ZKSCAN5: variants seen among roughly 807,000 people sequenced by gnomAD.
ZKSCAN5 encodes zinc finger with KRAB and SCAN domains 5.
In ZKSCAN5, 28 loss-of-function variants were observed where a neutral mutation model predicts 60.0. That is an observed-to-expected ratio of 0.47 (90% CI 0.35 to 0.64). The LOEUF (loss-of-function observed/expected upper bound fraction) is 0.64. ZKSCAN5 is among the 30% of genes least tolerant of loss of function. The pLI, the probability that ZKSCAN5 is intolerant of heterozygous loss-of-function variation, is 0.01. For missense variants in ZKSCAN5, 881 were observed against 1,034.6 expected, an observed-to-expected ratio of 0.85 and a Z score of 2.04; for synonymous variants, 361 against 371.2, an observed-to-expected ratio of 0.97 and a Z score of 0.31.
chr7:99,511,123 T>C (rs1801003092), intron 2 of ZKSCAN5, among the ~76,000 whole-genome samples: 1 of 152,168 alleles, frequency 6.6e-6, no homozygotes, highest in Admixed American at 6.6e-5. Context: ...CTTTGAAATG[T>C]AAGGGAGGGA....
intron 2 of ZKSCAN5, among the ~76,000 whole-genome samples, chr7:99,507,531 G>GTATATATATATATGTATATATATGTA (rs72423231): frequency 7.0e-6 from 1 of 141,864 alleles, no homozygotes; most frequent in African/African-American, 2.7e-5. Flanking sequence ...ATGTATATGT[G>GTATATATATATATGTATATATATGTA]TATATATATA....
intron 1 of ZKSCAN5, 56 bp downstream of exon 1, chr7:99,504,789 C>T (rs560019633): frequency 2.6e-5 from 4 of 152,462 alleles, no homozygotes; most frequent in Admixed American, 2.0e-4. Flanking sequence ...GTGAAGAAAA[C>T]CTAAGGGCCC....
intron 5 of ZKSCAN5, among the ~76,000 whole-genome samples, chr7:99,523,466 C>G (rs1276957789): frequency 6.6e-6 from 1 of 152,064 alleles, no homozygotes; most frequent in Admixed American, 6.6e-5. Flanking sequence ...ACAAAATATA[C>G]AAAAATTAGC....
chr7:99,528,635 C>T (rs1801911961), intron 6 of ZKSCAN5, among the ~76,000 whole-genome samples: 2 of 152,158 alleles, frequency 1.3e-5, no homozygotes, highest in African/African-American at 4.8e-5. Flanking sequence ...CTCTGTTGCC[C>T]AGGCTGGTCT....
intron 2 of ZKSCAN5, among the ~76,000 whole-genome samples, chr7:99,507,437 GTT>G (rs1172747979): frequency 6.6e-6 from 1 of 150,574 alleles, no homozygotes; most frequent in East Asian, 1.9e-4. Flanking sequence ...TAATGTATGT[GTT>G]TGCGTATATA....
intron 5 of ZKSCAN5, among the ~76,000 whole-genome samples, chr7:99,521,565 C>T (rs1801541638): frequency 6.6e-6 from 1 of 152,188 alleles, no homozygotes; most frequent in Non-Finnish European, 1.5e-5. Context: ...AGTTCACTCA[C>T]AAGCTTTTAT....
Position 99,519,914 on chromosome 7 carries a change from G to A in ZKSCAN5, c.636+5G>A. ...CTTCTCTCAACTGGGTCCCAGGTGAGCTGGTGCCCCTTTGCCCTCAGAGAG... is the reference window on the plus strand; with the variant it reads ...CTTCTCTCAACTGGGTCCCAGGTGAACTGGTGCCCCTTTGCCCTCAGAGAG... On this transcript the variant is annotated splice_donor_5th_base_variant and intron_variant, in intron 4 of 6. Coordinates refer to ENST00000326775, the MANE Select transcript of ZKSCAN5 (RefSeq NM_145102.4). 1 of 1,614,010 alleles carries A rather than the reference G, an allele frequency of 6.2e-7. No individual in the cohort carries two copies. Among genetic ancestry groups the A allele is most frequent in the Non-Finnish European group, 8.5e-7 (1 of 1,179,962 alleles).
intron 5 of ZKSCAN5, among the ~76,000 whole-genome samples, chr7:99,523,807 A>C (rs1801652210): frequency 6.6e-6 from 1 of 152,178 alleles, no homozygotes; most frequent in African/African-American, 2.4e-5. Flanking sequence ...GAAGGTAAGT[A>C]AAAGTAGCTA....
chr7:99,517,266 G>A (rs954149137), intron 3 of ZKSCAN5, among the ~76,000 whole-genome samples: 1 of 152,076 alleles, frequency 6.6e-6, no homozygotes, highest in South Asian at 2.1e-4. Flanking sequence ...GTTTCTCCAC[G>A]TTGGTCAGGC....
intron 5 of ZKSCAN5, among the ~76,000 whole-genome samples, chr7:99,522,106 A>G (rs879437751): frequency 2.6e-5 from 4 of 152,204 alleles, no homozygotes; most frequent in Admixed American, 2.0e-4. Flanking sequence ...ACTTCAATAC[A>G]CTATTCTACA....
intron 6 of ZKSCAN5, among the ~76,000 whole-genome samples, chr7:99,530,739 A>G (rs1161544913): frequency 1.3e-5 from 2 of 152,116 alleles, no homozygotes; most frequent in Non-Finnish European, 2.9e-5. Context: ...AACATTTTTT[A>G]TGACAGTTTA....
At position 99,532,287 on chromosome 7, in the gene ZKSCAN5, A is replaced by G. The variant is rs575180109; in HGVS notation, c.*38A>G. 1.3e-6 allele frequency: 2 copies of G among 1,518,926 alleles called. No homozygotes were observed. Among genetic ancestry groups the G allele is most frequent in the South Asian group, 2.7e-5 (2 of 74,378 alleles). 94.1% of individuals were successfully genotyped at this position (1,518,926 alleles called of 1,614,324 possible). ...TTTTAGAGAAACCTTCCTGGAGGGAAACCATACTCCTATAATGAGCAAAGT... is the reference window on the plus strand; with the variant it reads ...TTTTAGAGAAACCTTCCTGGAGGGAGACCATACTCCTATAATGAGCAAAGT... On this transcript the variant is annotated 3_prime_UTR_variant, in exon 7 of 7. Transcript: ENST00000326775.
chr7:99,530,576 C>T (rs1014556063), intron 6 of ZKSCAN5, among the ~76,000 whole-genome samples: 7 of 151,888 alleles, frequency 4.6e-5, no homozygotes, highest in Non-Finnish European at 8.8e-5. Flanking sequence ...TTGTCTGATG[C>T]ATAGTTTGCA....
Position 99,532,251 on chromosome 7 carries a change from A to G in ZKSCAN5, c.*2A>G. 6.5e-7 allele frequency: 1 copy of G among 1,546,330 alleles called. No homozygotes were observed. The highest frequency in any genetic ancestry group is 1.4e-5 in the African/African-American group (1 of 72,252). On this transcript the variant is annotated 3_prime_UTR_variant, in exon 7 of 7. Transcript: ENST00000326775. The stretch of plus-strand genomic sequence containing the variant: ...AGTGTAGAGGGGTCTCTGTTGTAGA[A>G]TAGCTCTTAATTTTAGAGAAACCTT...
intron 5 of ZKSCAN5, among the ~76,000 whole-genome samples, chr7:99,520,559 C>G (rs538065326): frequency 6.6e-6 from 1 of 152,088 alleles, no homozygotes; most frequent in Admixed American, 6.6e-5. Context: ...CCAGCAGATG[C>G]TAACTTTTTA....
intron 6 of ZKSCAN5, 99 bp downstream of exon 6, chr7:99,526,517 G>T (rs531120326): frequency 4.7e-6 from 7 of 1,496,426 alleles, no homozygotes; most frequent in East Asian, 2.3e-5. Context: ...GGTGATACTG[G>T]GGGGGGTAGG....
At chr7:99,514,622 A>G (rs559505376) in intron 3 of ZKSCAN5, among the ~76,000 whole-genome samples, 199 of 149,726 alleles carry the variant, frequency 1.3e-3, no homozygotes, top group African/African-American at 4.6e-3. Flanking sequence ...AAATACAAAA[A>G]TTGGCCGTGT....
intron 2 of ZKSCAN5, among the ~76,000 whole-genome samples, chr7:99,507,439 TTGCGTATATATGTATATATA>T (rs906596732): frequency 1.1e-4 from 16 of 150,954 alleles, no homozygotes; most frequent in Admixed American, 2.7e-4. Flanking sequence ...ATGTATGTGT[TTGCGTATATATGTATATATA>T]TGCGTATATA....
rs545668240 is a variant in ZKSCAN5 at position 99,525,492 on chromosome 7, C to T, written c.773-321C>T. ...GTCTCAAAACACACACATACACGCG[C>T]GCGCGCACACACACACACACAAGAG... On this transcript the variant is annotated intron_variant, in intron 5 of 6. Coordinates refer to ENST00000326775, the MANE Select transcript of ZKSCAN5 (RefSeq NM_145102.4). 7.2e-5 allele frequency among the ~76,000 whole-genome samples: 11 copies of T among 152,074 alleles called. No homozygotes were observed. In the South Asian group the frequency reaches 1.0e-3, roughly 14 times the overall value.
Sources: allele counts gnomAD v4.1 joint callset (sites outside exome capture counted in the v4.1 genomes callset), GRCh38; gene constraint gnomAD v4.1.1; transcripts MANE v1.5; gene names NCBI Gene and HGNC (gene_info 2026-07-23, HGNC 2026-07-21).